Variants in EFCAB5 observed in about 807,000 individuals in gnomAD.
EFCAB5 encodes EF-hand calcium binding domain 5, also known as EF-hand calcium-binding domain-containing protein 5.
Under a neutral mutation model 167.9 loss-of-function variants are expected in EFCAB5, and 131 were observed. The observed-to-expected ratio is 0.78, with a 90% confidence interval of 0.68 to 0.90. The LOEUF (loss-of-function observed/expected upper bound fraction) is 0.90. Ranked by LOEUF, EFCAB5 falls within the 40% of genes least tolerant of loss-of-function variation. The pLI is 0.00. For synonymous variants in EFCAB5, 574 were observed against 602.8 expected, an observed-to-expected ratio of 0.95 and a Z score of 0.70; for missense variants, 1,663 against 1,745.2, an observed-to-expected ratio of 0.95 and a Z score of 0.84.
chr17:30,102,187 G>C (rs2071391194), intron 22 of EFCAB5, among the ~76,000 whole-genome samples: 2 of 152,092 alleles, frequency 1.3e-5, no homozygotes, highest in African/African-American at 2.4e-5. Flanking sequence ...GTGCTGGTGG[G>C]AGTCTATGGA....
intron 4 of EFCAB5, among the ~76,000 whole-genome samples, chr17:29,974,157 A>T (rs1223371404): frequency 8.7e-6 from 1 of 115,350 alleles, no homozygotes; most frequent in African/African-American, 4.5e-5. Flanking sequence ...AACTCTATCT[A>T]AAAAAAAAAA....
chr17:29,960,397 A>C (rs1022515133), intron 3 of EFCAB5, among the ~76,000 whole-genome samples: 2 of 152,172 alleles, frequency 1.3e-5, no homozygotes, highest in Non-Finnish European at 2.9e-5. Flanking sequence ...GGGTTCTGTT[A>C]GGCCATCTTG....
At chr17:29,930,971 TCTC>T (rs1382135909) in intron 1 of EFCAB5, among the ~76,000 whole-genome samples, 3 of 152,154 alleles carry the variant, frequency 2.0e-5, no homozygotes, top group African/African-American at 7.2e-5. Flanking sequence ...TAAGCTTTCT[TCTC>T]CTTCGTCTCT....
chr17:30,022,183 C>G (rs966895274), intron 7 of EFCAB5, among the ~76,000 whole-genome samples: 1 of 152,094 alleles, frequency 6.6e-6, no homozygotes, highest in African/African-American at 2.4e-5. Flanking sequence ...CCCAAAGTAA[C>G]TACTTTAGAA....
intron 13 of EFCAB5, among the ~76,000 whole-genome samples, chr17:30,058,505 G>T (rs1169671628): frequency 6.6e-6 from 1 of 151,954 alleles, no homozygotes; most frequent in Non-Finnish European, 1.5e-5. Context: ...ATCAAAAGGT[G>T]TATATTCATT....
At chr17:30,040,951 A>G (rs1037770466) in intron 8 of EFCAB5, among the ~76,000 whole-genome samples, 7 of 152,200 alleles carry the variant, frequency 4.6e-5, no homozygotes, top group African/African-American at 1.4e-4. Context: ...TCTTCCCTGC[A>G]CTTACCTATT....
chr17:30,048,927 T>G (rs755263338), intron 8 of EFCAB5, among the ~76,000 whole-genome samples: 1 of 152,134 alleles, frequency 6.6e-6, no homozygotes, highest in Non-Finnish European at 1.5e-5. Context: ...TCTAGAGAAG[T>G]TTACAAGGAC....
upstream of EFCAB5, among the ~76,000 whole-genome samples, chr17:29,939,436 G>A (rs2067271242): frequency 6.6e-6 from 1 of 152,200 alleles, no homozygotes; most frequent in Non-Finnish European, 1.5e-5. Flanking sequence ...AAGAGAGTGA[G>A]CCTATCCTTT....
chr17:30,005,535 T>C (rs2068756682), intron 7 of EFCAB5, among the ~76,000 whole-genome samples: 1 of 152,206 alleles, frequency 6.6e-6, no homozygotes, highest in Non-Finnish European at 1.5e-5. Flanking sequence ...ATTAAAGACA[T>C]TATTTATGAT....
chr17:29,947,273 A>T (rs2067422110), intron 3 of EFCAB5, among the ~76,000 whole-genome samples: 2 of 152,162 alleles, frequency 1.3e-5, no homozygotes, highest in African/African-American at 4.8e-5. Flanking sequence ...AACGACTTGG[A>T]TGGAGCTGAA....
At chr17:30,084,361 C>T (rs2071045807) in intron 18 of EFCAB5, among the ~76,000 whole-genome samples, 1 of 152,160 alleles carries the variant, frequency 6.6e-6, no homozygotes, top group African/African-American at 2.4e-5. Context: ...TTCAGAAGAA[C>T]ATCGTCAGGG....
chr17:30,100,761 C>T (rs368735320), intron 22 of EFCAB5, among the ~76,000 whole-genome samples: 61 of 124,110 alleles, frequency 4.9e-4, no homozygotes, highest in Middle Eastern at 4.2e-3. Context: ...AGTGAGACTC[C>T]GTTCAAAAAA....
chr17:29,952,220 C>G (rs777379809), intron 3 of EFCAB5, among the ~76,000 whole-genome samples: 9 of 152,178 alleles, frequency 5.9e-5, no homozygotes, highest in Non-Finnish European at 1.0e-4. Context: ...CTAGTTCCCT[C>G]CAGCCCTTTT....
chr17:29,969,965 T>C (rs1428727752), intron 4 of EFCAB5, among the ~76,000 whole-genome samples: 1 of 152,194 alleles, frequency 6.6e-6, no homozygotes, highest in Non-Finnish European at 1.5e-5. Flanking sequence ...ATTTTTTATT[T>C]CTATATAGTC....
intron 7 of EFCAB5, among the ~76,000 whole-genome samples, chr17:30,017,106 G>A (rs2069061884): frequency 6.6e-6 from 1 of 152,052 alleles, no homozygotes; most frequent in Non-Finnish European, 1.5e-5. Flanking sequence ...GAGCTCGGGA[G>A]GTTGCAGCTA....
At chr17:30,070,113 T>C (rs978726027) in intron 14 of EFCAB5, among the ~76,000 whole-genome samples, 1 of 152,192 alleles carries the variant, frequency 6.6e-6, no homozygotes, top group Admixed American at 6.5e-5. Context: ...TGATTACTTC[T>C]TTGTTTCCTT....
chr17:30,056,289 T>G, intron 12 of EFCAB5, 133 bp downstream of exon 12: 1 of 789,688 alleles, frequency 1.3e-6, no homozygotes, highest in East Asian at 2.7e-5. Flanking sequence ...ATTTTGTCCT[T>G]GAGCTGGTGA....
intron 4 of EFCAB5, among the ~76,000 whole-genome samples, chr17:29,979,365 C>T (rs2068126004): frequency 6.6e-6 from 1 of 151,962 alleles, no homozygotes; most frequent in Non-Finnish European, 1.5e-5. Flanking sequence ...AAATCCTCAC[C>T]ATTGAGGCCA....
At chr17:29,986,292 C>G (rs2068280464) in intron 4 of EFCAB5, among the ~76,000 whole-genome samples, 2 of 152,194 alleles carry the variant, frequency 1.3e-5, no homozygotes, top group African/African-American at 4.8e-5. Context: ...TTAGCTCCTA[C>G]AGCGGGCCAT....
Sources: gnomAD v4.1 joint callset for allele counts (sites outside exome capture counted in the v4.1 genomes callset) on GRCh38, gnomAD v4.1.1 for gene constraint, MANE v1.5 for transcripts, NCBI Gene and HGNC (gene_info 2026-07-23, HGNC 2026-07-21) for gene names.